The following TNS1 variants were observed in gnomAD, a reference collection of about 807,000 sequenced individuals.
TNS1 encodes the protein tensin 1.
A neutral mutation model predicts 168.6 loss-of-function variants in TNS1; 62 were observed. That is an observed-to-expected ratio of 0.37 (90% CI 0.30 to 0.45). The LOEUF (loss-of-function observed/expected upper bound fraction) is 0.45, where lower values mean the gene tolerates loss of function less well. Among genes scored for constraint, TNS1 ranks in the 20% least tolerant of loss-of-function variants. The pLI is 1.00. For missense variants in TNS1, 2,240 were observed against 2,339.4 expected, an observed-to-expected ratio of 0.96 and a Z score of 0.88; for synonymous variants, 934 against 933.2, an observed-to-expected ratio of 1.00 and a Z score of -0.02.
chr2:217,908,994 G>A (rs1019278071), intron 4 of TNS1, among the ~76,000 whole-genome samples: 1 of 152,048 alleles, frequency 6.6e-6, no homozygotes, highest in Non-Finnish European at 1.5e-5. Context: ...CCCACTCAGG[G>A]TAAGTCAGAG....
intron 2 of TNS1, among the ~76,000 whole-genome samples, chr2:217,982,678 C>A (rs1958085063): frequency 6.6e-6 from 1 of 152,152 alleles, no homozygotes. Context: ...GCTAGGATTA[C>A]AGGAGTGAAC....
intron 4 of TNS1, among the ~76,000 whole-genome samples, chr2:217,908,426 T>C (rs1276248043): frequency 6.6e-6 from 1 of 152,054 alleles, no homozygotes; most frequent in Non-Finnish European, 1.5e-5. Context: ...ACTGGAATGG[T>C]TGTGAAGCAA....
intron 4 of TNS1, among the ~76,000 whole-genome samples, chr2:217,911,942 T>C (rs1266769893): frequency 6.6e-6 from 1 of 152,224 alleles, no homozygotes; most frequent in African/African-American, 2.4e-5. Flanking sequence ...CTGGGCTGCA[T>C]AGGAAAGACT....
rs143261489 is a variant in TNS1 at position 217,869,361 on chromosome 2, C to T, written c.1429+11537G>A. On this transcript the variant is annotated intron_variant, in intron 18 of 32. Transcript: ENST00000682258. ...CAGCCTCTGAAAAGGCAGGGAGGAG[C>T]GCCCAAGGCCTCAATAGATCCAGCA... Among the ~76,000 whole-genome samples, 964 of 152,326 alleles carry T rather than the reference C, an allele frequency of 6.3e-3. 6 individuals are homozygous for T. Among genetic ancestry groups the T allele is most frequent in the Middle Eastern group, 0.034 (10 of 294 alleles).
exon 1 of TNS1, chr2:218,010,136 C>T (rs577811776): frequency 3.8e-5 from 15 of 399,102 alleles, no homozygotes; most frequent in Admixed American, 3.1e-4. Flanking sequence ...GCAGGAGGCA[C>T]GAGAAGAGGT....
At position 217,948,333 on chromosome 2, in the gene TNS1, A is replaced by T. The variant is rs1404647008; in HGVS notation, c.187-28097T>A. Among the ~76,000 whole-genome samples the T allele has an allele frequency of 6.6e-6, 1 of 152,128 alleles. No homozygotes were observed. Among genetic ancestry groups the T allele is most frequent in the Non-Finnish European group, 1.5e-5 (1 of 68,004 alleles). On this transcript the variant is annotated intron_variant, in intron 3 of 32. Coordinates refer to ENST00000682258, the MANE Select transcript of TNS1 (RefSeq NM_001387777.1). The surrounding 1 kb of genome is among the most constrained non-coding windows in gnomAD (Gnocchi z 4.1). Reference sequence around the variant, plus strand: ...CACTCTCTTCTTCCCCCTCCATCACAGAGAAGGAAGGGCCACATGCCCAGG... The same window carrying T: ...CACTCTCTTCTTCCCCCTCCATCACTGAGAAGGAAGGGCCACATGCCCAGG...
chr2:217,859,767 A>G lies in TNS1; in HGVS notation c.1430-10680T>C, dbSNP rs115249499. 11,967 of 1,293,348 alleles carry G rather than the reference A, an allele frequency of 9.3e-3. 841 individuals are homozygous for G. In the African/African-American group the frequency reaches 0.15, roughly 17 times the overall value. 80.1% of individuals were successfully genotyped at this position (1,293,348 alleles called of 1,614,324 possible). A position where few individuals can be genotyped will look rare whatever the true frequency, so the allele number is the denominator to read the frequency against. On this transcript the variant is annotated intron_variant, in intron 18 of 32. Transcript: ENST00000682258. ...TCGCAATGCCTCACCCTCGTTCCCAACCACCCAGATCCGAGAGCCATGCAG... is the reference window on the plus strand; with the variant it reads ...TCGCAATGCCTCACCCTCGTTCCCAGCCACCCAGATCCGAGAGCCATGCAG...
chr2:217,822,270 C>T (rs1188647090), intron 22 of TNS1, among the ~76,000 whole-genome samples: 1 of 152,178 alleles, frequency 6.6e-6, no homozygotes, highest in Non-Finnish European at 1.5e-5. Flanking sequence ...TGATCTTGCT[C>T]AGCACCCAGG....
In TNS1 at chr2:217,897,799, A is replaced by C. The variant is rs148888599; in HGVS notation, c.542T>G (p.Leu181Arg). ...MLKSKHGGNYLLFNLSERRPD... is the reference protein window; with the variant it reads ...MLKSKHGGNYRLFNLSERRPD... ...GTGGGCACGAGGATCCATCCTCACC[A>C]GGTAGTTGCCTCCATGTTTGGACTT... The change falls in exon 8 of 33, where the codon CTG becomes CGG. Residue 181 changes from leucine (L) to arginine (R), a missense_variant and splice_region_variant. Transcript: ENST00000682258. 1,114 of 1,597,162 alleles carry C rather than the reference A, an allele frequency of 7.0e-4. 6 individuals carry two copies. In the African/African-American group the frequency reaches 0.014, roughly 19 times the overall value.
intron 1 of TNS1, among the ~76,000 whole-genome samples, chr2:218,024,850 C>T (rs1441771052): frequency 1.3e-5 from 2 of 152,192 alleles, no homozygotes; most frequent in Non-Finnish European, 2.9e-5. Flanking sequence ...ACAGAGGCAT[C>T]CTAAGCAGAA....
chr2:217,883,595 G>A (rs959409885), intron 16 of TNS1, among the ~76,000 whole-genome samples: 5 of 152,278 alleles, frequency 3.3e-5, no homozygotes, highest in East Asian at 1.9e-4. Context: ...GTCAATTTTC[G>A]ATGGTATCTC....
intron 18 of TNS1, among the ~76,000 whole-genome samples, chr2:217,854,199 G>A (rs1367222053): frequency 6.6e-6 from 1 of 152,122 alleles, no homozygotes; most frequent in Non-Finnish European, 1.5e-5. Flanking sequence ...TTTGGGCTCT[G>A]AGATCAAGAA....
chr2:218,031,370 ATG>A (rs1958897795), intron 1 of TNS1, among the ~76,000 whole-genome samples: 1 of 143,386 alleles, frequency 7.0e-6, no homozygotes, highest in African/African-American at 2.7e-5. Flanking sequence ...GTGTGTGAGC[ATG>A]TCTGTGTGTG....
At chr2:217,941,153 T>C (rs1461365409) in intron 3 of TNS1, among the ~76,000 whole-genome samples, 2 of 152,228 alleles carry the variant, frequency 1.3e-5, no homozygotes, top group African/African-American at 4.8e-5. Flanking sequence ...GCACTGCCCT[T>C]GGTCTACTAT....
At chr2:217,917,829 C>CAAAA (rs79888115) in intron 4 of TNS1, among the ~76,000 whole-genome samples, 1,352 of 75,924 alleles carry the variant, frequency 0.018, 44 homozygotes, top group African/African-American at 0.056. Flanking sequence ...AGACTGTTCT[C>CAAAA]AAAAAAAAAA....
chr2:217,998,390 G>A (rs899713644), intron 1 of TNS1, among the ~76,000 whole-genome samples: 5 of 152,214 alleles, frequency 3.3e-5, no homozygotes, highest in African/African-American at 1.2e-4. Flanking sequence ...GCTCAGAGAT[G>A]GGGCTAGTCT....
At chr2:217,814,783 C>T (rs1941604854) in intron 25 of TNS1, 129 bp downstream of exon 25, 4 of 709,858 alleles carry the variant, frequency 5.6e-6, no homozygotes, top group South Asian at 5.3e-5. Flanking sequence ...CCAGCTTCAA[C>T]CCCAGCCCCC....
At chr2:217,858,662 C>A in intron 18 of TNS1, 1 of 250,204 alleles carries the variant, frequency 4.0e-6, no homozygotes, top group Non-Finnish European at 4.8e-6. Flanking sequence ...TGCCGCCTGC[C>A]TGCCCATGTA....
At chr2:217,899,264 G>T (rs757713489) in intron 7 of TNS1, among the ~76,000 whole-genome samples, 2 of 152,180 alleles carry the variant, frequency 1.3e-5, no homozygotes, top group Non-Finnish European at 2.9e-5. Context: ...CCAGCACCCA[G>T]AGGTAAGGAG....
Sources: allele counts gnomAD v4.1 joint callset (sites outside exome capture counted in the v4.1 genomes callset), GRCh38; gene constraint gnomAD v4.1.1; non-coding constraint Gnocchi (gnomAD v3.1); transcripts MANE v1.5; gene names NCBI Gene and HGNC (gene_info 2026-07-23, HGNC 2026-07-21).